The following MYH14 variants were observed in gnomAD, a reference collection of about 807,000 sequenced individuals.
The protein encoded by MYH14 is myosin-14.
Under a neutral mutation model 255.5 loss-of-function variants are expected in MYH14, and 123 were observed. The ratio of observed to expected loss-of-function variants is 0.48; its 90% confidence interval spans 0.42 to 0.56. MYH14 has a LOEUF of 0.56. MYH14 is among the 20% of genes least tolerant of loss of function. The probability of loss-of-function intolerance (pLI) is 0.00; values close to 1 mark genes in which losing one functional copy is unlikely to be tolerated. For synonymous variants in MYH14, 1,095 were observed against 1,161.2 expected, an observed-to-expected ratio of 0.94 and a Z score of 1.16; for missense variants, 2,423 against 2,802.3, an observed-to-expected ratio of 0.86 and a Z score of 3.06.
chr19:50,232,144 C>T (rs927633640), intron 10 of MYH14, 74 bp downstream of exon 10: 69 of 1,572,758 alleles, frequency 4.4e-5, no homozygotes, highest in East Asian at 4.0e-4. Context: ...ATTCATGCCC[C>T]GATCTCTTTG....
rs1401860218 is a variant in MYH14, at chr19:50,226,985, T to G, written c.874+19T>G. On this transcript the variant is annotated intron_variant, in intron 8 of 42. Transcript: ENST00000642316. ...GAGACCTGTATCCTCTCACAGCCCA[T>G]GGGGGTGGCAGCCAAGGGGGGCAGC... 1 of 1,612,842 alleles carries G rather than the reference T, an allele frequency of 6.2e-7. No homozygotes were observed. Among genetic ancestry groups the G allele is most frequent in the Non-Finnish European group, 8.5e-7 (1 of 1,179,314 alleles).
In MYH14 at chr19:50,223,366, T is replaced by C; in HGVS notation, c.693+17T>C. 1 of 1,527,398 alleles carries C rather than the reference T, an allele frequency of 6.5e-7. No individual in the cohort carries two copies. Among genetic ancestry groups the C allele is most frequent in the Admixed American group, 1.9e-5 (1 of 51,454 alleles). The allele number at this position is 1,527,398 out of a possible 1,614,324, so 94.6% of individuals were successfully genotyped here. Reference sequence around the variant, plus strand: ...GGTGTCCCCGTAAGCAACCCCGCCTTGGGTCACCCCCGGGCCCTGCCACAG... The same window carrying C: ...GGTGTCCCCGTAAGCAACCCCGCCTCGGGTCACCCCCGGGCCCTGCCACAG... On this transcript the variant is annotated intron_variant, in intron 5 of 42. Transcript: ENST00000642316.
rs201626325 is a variant in MYH14, at chr19:50,293,355, T to A, written c.5345+34T>A. ...CCCAAGGGTCTGAAGGCTGAGGTAC[T>A]GCGTCTGCAGGAGGTGAAGCTGGGG... On this transcript the variant is annotated intron_variant, in intron 38 of 42. Transcript: ENST00000642316. The surrounding 1 kb of genome is among the most constrained non-coding windows in gnomAD (Gnocchi z 4.1). The A allele has an allele frequency of 1.4e-4, 223 of 1,561,274 alleles. No individual in the cohort carries two copies. Among genetic ancestry groups the A allele is most frequent in the African/African-American group, 1.2e-3 (88 of 73,948 alleles).
In MYH14 at chr19:50,232,196, G is replaced by C. The variant is rs904669204; in HGVS notation, c.1114+126G>C. The stretch of plus-strand genomic sequence containing the variant: ...GCACCTACTGGGTGCAGGCACCGGG[G>C]CCAGAGCAGGGAATGAGGCTCACAG... On this transcript the variant is annotated intron_variant, in intron 10 of 42. Transcript: ENST00000642316. 3.3e-6 allele frequency: 4 copies of C among 1,201,466 alleles called. No individual in the cohort carries two copies. The South Asian group carries it at 5.8e-5, about 17-fold the overall frequency. 74.4% of individuals were successfully genotyped at this position (1,201,466 alleles called of 1,614,324 possible).
chr19:50,287,060 G>C (rs1339975856), intron 34 of MYH14, among the ~76,000 whole-genome samples: 1 of 152,156 alleles, frequency 6.6e-6, no homozygotes, highest in African/African-American at 2.4e-5. Context: ...AGAGGTTTCA[G>C]TGAGCCGAGA....
chr19:50,285,567 G>A (rs995909386), intron 33 of MYH14: 1 of 151,944 alleles, frequency 6.6e-6, no homozygotes, highest in Non-Finnish European at 1.5e-5. Flanking sequence ...TATTGATCTT[G>A]TATCCTACAA....
In MYH14 at chr19:50,276,350, G is replaced by A; in HGVS notation, c.3680+147G>A. On this transcript the variant is annotated intron_variant, in intron 28 of 42. Coordinates refer to ENST00000642316, the MANE Select transcript of MYH14 (RefSeq NM_001145809.2). The surrounding 1 kb of genome is among the most constrained non-coding windows in gnomAD (Gnocchi z 4.3). Reference sequence around the variant, plus strand: ...CGGCTCTAGGTCCGGCCTGGGTCAAGCTGGGGACAGAGATGGGTCAGACCC... The same window carrying A: ...CGGCTCTAGGTCCGGCCTGGGTCAAACTGGGGACAGAGATGGGTCAGACCC... 1 of 714,162 alleles carries A rather than the reference G, an allele frequency of 1.4e-6. No homozygotes were observed. Among genetic ancestry groups the A allele is most frequent in the Non-Finnish European group, 2.2e-6 (1 of 445,122 alleles). 44.2% of individuals were successfully genotyped at this position (714,162 alleles called of 1,614,324 possible).
intron 27 of MYH14, among the ~76,000 whole-genome samples, 191 bp downstream of exon 27, chr19:50,272,922 T>C (rs963190948): frequency 2.7e-4 from 41 of 152,078 alleles, no homozygotes; most frequent in Non-Finnish European, 4.9e-4. Flanking sequence ...CCAGGCCCAC[T>C]AGGTTAAGGG....
chr19:50,292,221 T>C (rs778835237), intron 36 of MYH14, 40 bp from the exon 37 acceptor site: 5 of 1,554,026 alleles, frequency 3.2e-6, no homozygotes, highest in Non-Finnish European at 2.6e-6. Flanking sequence ...CTGTGCTGTG[T>C]GGCCAGGCTG....
At chr19:50,217,845 C>T in intron 3 of MYH14, 74 bp downstream of exon 3, 1 of 1,552,770 alleles carries the variant, frequency 6.4e-7, no homozygotes, top group South Asian at 1.2e-5. Context: ...TGCCGGAAGC[C>T]AGAGTCCAGG....
intron 33 of MYH14, chr19:50,285,786 CTTCT>C (rs2035870842): frequency 6.6e-6 from 1 of 152,138 alleles, no homozygotes. Context: ...CTGTTACAAT[CTTCT>C]TTCTTTTTCT....
intron 39 of MYH14, among the ~76,000 whole-genome samples, chr19:50,300,626 G>A (rs1436895107): frequency 6.6e-6 from 1 of 150,396 alleles, no homozygotes; most frequent in African/African-American, 2.4e-5. Flanking sequence ...GCAGGCACCT[G>A]TAATTCCAGC....
chr19:50,276,657 A>G lies in MYH14; in HGVS notation c.3681-100A>G, dbSNP rs1181607778. 6.7e-7 allele frequency: 1 copy of G among 1,498,936 alleles called. No individual in the cohort carries two copies. The highest frequency in any genetic ancestry group is 1.4e-5 in the African/African-American group (1 of 72,062). 92.9% of individuals were successfully genotyped at this position (1,498,936 alleles called of 1,614,324 possible). ...GAGGAGCATAACATGAGGCCCTCAT[A>G]TTTTAAGGAAACATGAAAAGGAGAA... On this transcript the variant is annotated intron_variant, in intron 28 of 42. Coordinates refer to ENST00000642316, the MANE Select transcript of MYH14 (RefSeq NM_001145809.2). The surrounding 1 kb of genome is among the most constrained non-coding windows in gnomAD (Gnocchi z 4.3).
intron 24 of MYH14, among the ~76,000 whole-genome samples, chr19:50,270,870 AT>A (rs1327982219): frequency 6.6e-6 from 1 of 151,698 alleles, no homozygotes; most frequent in African/African-American, 2.4e-5. Flanking sequence ...AATTTTTTGT[AT>A]TTTTAGTAGA....
intron 13 of MYH14, 139 bp from the exon 14 acceptor site, chr19:50,249,511 C>T (rs1223670419): frequency 2.2e-6 from 2 of 908,484 alleles, no homozygotes; most frequent in East Asian, 5.5e-5. Flanking sequence ...CCCCCTCTCT[C>T]TGGGTCTCTG....
chr19:50,275,052 G>A (rs1233108410), intron 27 of MYH14, among the ~76,000 whole-genome samples: 1 of 152,012 alleles, frequency 6.6e-6, no homozygotes. Context: ...CATACAACAT[G>A]TGGCCTTTTG....
chr19:50,286,839 G>C (rs892663122), intron 34 of MYH14, 145 bp downstream of exon 34: 28 of 869,766 alleles, frequency 3.2e-5, no homozygotes, highest in Admixed American at 4.7e-5. Flanking sequence ...GCTGGGCATG[G>C]TGGCTCACTC....
Position 50,250,511 on chromosome 19 carries a change from C to A in MYH14, c.1657-4C>A. The A allele has an allele frequency of 6.2e-7, 1 of 1,611,832 alleles. No homozygotes were observed. On this transcript the variant is annotated splice_region_variant and splice_polypyrimidine_tract_variant and intron_variant, in intron 14 of 42. Coordinates refer to ENST00000642316, the MANE Select transcript of MYH14 (RefSeq NM_001145809.2). This position sits in a 1 kb window ranked among gnomAD's most constrained non-coding sequence, Gnocchi z 5.4. ...CTTACTCTCCCCCTGCTGTCAATGG[C>A]CAGGCCAACCCCCCTGGACTCCTGG...
At position 50,250,089 on chromosome 19, in the gene MYH14, G is replaced by GTTTGT. The variant is rs535022949; in HGVS notation, c.1656+285_1656+289dup. ...TTGTTCTCACGTTTGTTTTTTGTTT[G>GTTTGT]TTTGTTTTGTTTTGTTTTGTTTTTT... is the stretch of plus-strand genomic sequence containing the variant. On this transcript the variant is annotated intron_variant, in intron 14 of 42. Transcript: ENST00000642316. This position sits in a 1 kb window ranked among gnomAD's most constrained non-coding sequence, Gnocchi z 5.4. Among the ~76,000 whole-genome samples, 336 of 152,200 alleles carry GTTTGT rather than the reference G, an allele frequency of 2.2e-3. 2 individuals are homozygous for GTTTGT. Among genetic ancestry groups the GTTTGT allele is most frequent in the African/African-American group, 7.2e-3 (301 of 41,532 alleles).
Sources: allele counts gnomAD v4.1 joint callset (sites outside exome capture counted in the v4.1 genomes callset), GRCh38; gene constraint gnomAD v4.1.1; non-coding constraint Gnocchi (gnomAD v3.1); transcripts MANE v1.5; gene names NCBI Gene and HGNC (gene_info 2026-07-23, HGNC 2026-07-21).